PCDHGA6: variants seen among roughly 807,000 people sequenced by gnomAD.
PCDHGA6 encodes the protein protocadherin gamma-A6.
A neutral mutation model predicts 60.6 loss-of-function variants in PCDHGA6; 41 were observed. That is an observed-to-expected ratio of 0.68 (90% CI 0.53 to 0.88). The LOEUF is 0.88. Among genes scored for constraint, PCDHGA6 ranks in the 40% least tolerant of loss-of-function variants. The pLI is 0.00. For missense variants in PCDHGA6, 1,312 were observed against 1,203.0 expected (o/e 1.09, Z -1.34); for synonymous variants, 594 against 524.4 (o/e 1.13, Z -1.81).
chr5:141,392,896 G>A, intron 1 of PCDHGA6: 1 of 1,613,812 alleles, frequency 6.2e-7, no homozygotes, highest in Non-Finnish European at 8.5e-7. Flanking sequence ...GAAATCGGGA[G>A]GGGACAGATT....
At chr5:141,478,574 C>T (rs2099465133) in intron 1 of PCDHGA6, 1 of 1,586,288 alleles carries the variant, frequency 6.3e-7, no homozygotes, top group Non-Finnish European at 8.6e-7. Flanking sequence ...ATGCTTGACC[C>T]TGTTAGTGCT....
rs535002528 is a variant in PCDHGA6 at position 141,396,788 on chromosome 5, T to C, written c.2424+20281T>C. On this transcript the variant is annotated intron_variant, in intron 1 of 3. Transcript: ENST00000517434. ...GTTTGTTATTAATGAAAAGGACATT[T>C]CCTAAGGATTGTGTAGTGTTCTACT... Among the ~76,000 whole-genome samples, 53 of 152,322 alleles carry C rather than the reference T, an allele frequency of 3.5e-4. 2 individuals are homozygous for C. Among genetic ancestry groups the C allele is most frequent in the Admixed American group, 3.3e-3 (50 of 15,300 alleles).
Position 141,485,859 on chromosome 5 carries a change from G to A in PCDHGA6, c.2425-8948G>A, listed in dbSNP as rs1272239385. ...CCGAGATCTGGCACCGCAGAGCTCC[G>A]GGTATCCGTGCTGGACGTAAACGAC... On this transcript the variant is annotated intron_variant, in intron 1 of 3. Transcript: ENST00000517434. This position sits in a 1 kb window ranked among gnomAD's most constrained non-coding sequence, Gnocchi z 5.7. 3.7e-6 allele frequency: 6 copies of A among 1,614,046 alleles called. No homozygotes were observed. Among genetic ancestry groups the A allele is most frequent in the Admixed American group, 3.3e-5 (2 of 60,000 alleles).
rs755254491 is a variant in PCDHGA6, at chr5:141,409,746, T to TCG, written c.2424+33243_2424+33244dup. On this transcript the variant is annotated intron_variant, in intron 1 of 3. Transcript: ENST00000517434. ...GTGAGCGCGCAGAGCGGGGTGGTGT[T>TCG]CGCGCAGCGCGCCTTTGATCACGAG... The TCG allele has an allele frequency of 3.1e-6, 5 of 1,613,024 alleles. No homozygotes were observed. The South Asian group carries it at 5.5e-5, about 18-fold the overall frequency.
chr5:141,466,415 C>T (rs995296505), intron 1 of PCDHGA6, among the ~76,000 whole-genome samples: 6 of 152,136 alleles, frequency 3.9e-5, no homozygotes, highest in Non-Finnish European at 8.8e-5. Context: ...ATTTTTCAGT[C>T]AGAATTGTGT....
chr5:141,439,364 G>A (rs1561894836), intron 1 of PCDHGA6, among the ~76,000 whole-genome samples: 2 of 152,142 alleles, frequency 1.3e-5, no homozygotes, highest in Admixed American at 1.3e-4. Context: ...CAAACATCAA[G>A]AAGAAATAAA....
At position 141,486,761 on chromosome 5, in the gene PCDHGA6, A is replaced by G. The variant is rs1368106682; in HGVS notation, c.2425-8046A>G. 1 of 1,614,114 alleles carries G rather than the reference A, an allele frequency of 6.2e-7. No homozygotes were observed. The highest frequency in any genetic ancestry group is 8.5e-7 in the Non-Finnish European group (1 of 1,180,056). ...ATCCTTTGACTATGAGCAAACCCAG[A>G]CACTGCAGTTTGAGGTGCAGGCCCG... On this transcript the variant is annotated intron_variant, in intron 1 of 3. Transcript: ENST00000517434. The surrounding 1 kb of genome is among the most constrained non-coding windows in gnomAD (Gnocchi z 5.0).
At chr5:141,404,773 C>T (rs753809742) in intron 1 of PCDHGA6, 1 of 1,613,856 alleles carries the variant, frequency 6.2e-7, no homozygotes, top group South Asian at 1.1e-5. Flanking sequence ...TCTCCTACCG[C>T]CTATTCAAGG....
chr5:141,417,884 C>A, intron 1 of PCDHGA6: 2 of 1,561,600 alleles, frequency 1.3e-6, no homozygotes, highest in East Asian at 2.4e-5. Flanking sequence ...CGCGCAGAGG[C>A]GCCGGGCCGG....
chr5:141,400,235 T>G, intron 1 of PCDHGA6: 4 of 1,614,006 alleles, frequency 2.5e-6, no homozygotes, highest in Non-Finnish European at 3.4e-6. Context: ...CTCCTGGCCG[T>G]GATTCTGGCC....
intron 1 of PCDHGA6, chr5:141,390,147 G>C: frequency 6.2e-7 from 1 of 1,614,034 alleles, no homozygotes; most frequent in Non-Finnish European, 8.5e-7. Flanking sequence ...TCTATGTGTT[G>C]CACATACAGG....
At chr5:141,392,322 A>G (rs2092513343) in intron 1 of PCDHGA6, 1 of 152,296 alleles carries the variant, frequency 6.6e-6, no homozygotes, top group South Asian at 2.1e-4. Flanking sequence ...TTAAGACCAA[A>G]TGTATTGCAG....
At chr5:141,422,724 G>A (rs560544401) in intron 1 of PCDHGA6, 9 of 1,606,016 alleles carry the variant, frequency 5.6e-6, no homozygotes, top group East Asian at 2.2e-5. Flanking sequence ...CTGTCCAGGG[G>A]GTGCCTCTGT....
At chr5:141,442,759 A>G (rs2098341868) in intron 1 of PCDHGA6, among the ~76,000 whole-genome samples, 1 of 152,152 alleles carries the variant, frequency 6.6e-6, no homozygotes, top group Non-Finnish European at 1.5e-5. Flanking sequence ...GATTATATAT[A>G]TTTGTATGTG....
intron 1 of PCDHGA6, chr5:141,376,960 T>C (rs1773581564): frequency 6.1e-6 from 1 of 162,766 alleles, no homozygotes; most frequent in Admixed American, 5.9e-5. Context: ...GTGCTGGGAT[T>C]ACAGGCGTGA....
chr5:141,458,702 T>G (rs1333580253), intron 1 of PCDHGA6, among the ~76,000 whole-genome samples: 1 of 152,102 alleles, frequency 6.6e-6, no homozygotes, highest in East Asian at 1.9e-4. Context: ...CCCGAGTAGC[T>G]GGGATTACAG....
chr5:141,477,212 C>CCTCT lies in PCDHGA6; in HGVS notation c.2425-17594_2425-17591dup. 6.2e-7 allele frequency: 1 copy of CCTCT among 1,614,166 alleles called. No homozygotes were observed. The highest frequency in any genetic ancestry group is 8.5e-7 in the Non-Finnish European group (1 of 1,180,042). The stretch of plus-strand genomic sequence containing the variant: ...GTACAGCCCAGTACCCGAGGATGCC[C>CCTCT]CTCTGGGGACTGTCATCGCTTTGCT... On this transcript the variant is annotated intron_variant, in intron 1 of 3. Coordinates refer to ENST00000517434, the MANE Select transcript of PCDHGA6 (RefSeq NM_018919.3). This position sits in a 1 kb window ranked among gnomAD's most constrained non-coding sequence, Gnocchi z 4.9.
chr5:141,498,103 G>C (rs2099781622), intron 2 of PCDHGA6, among the ~76,000 whole-genome samples: 1 of 152,216 alleles, frequency 6.6e-6, no homozygotes. Context: ...GGTGGTGTGG[G>C]CGTATAATAG....
intron 1 of PCDHGA6, chr5:141,419,170 C>G: frequency 6.2e-7 from 1 of 1,613,966 alleles, no homozygotes; most frequent in South Asian, 1.1e-5. Flanking sequence ...CCAGCAAAAC[C>G]ATAACCCTGC....
Sources: allele counts gnomAD v4.1 joint callset (sites outside exome capture counted in the v4.1 genomes callset), GRCh38; gene constraint gnomAD v4.1.1; non-coding constraint Gnocchi (gnomAD v3.1); transcripts MANE v1.5; gene names NCBI Gene and HGNC (gene_info 2026-07-23, HGNC 2026-07-21).